Variants in DGKG observed in about 807,000 individuals in gnomAD.
DGKG encodes DAG kinase gamma.
A neutral mutation model predicts 105.3 loss-of-function variants in DGKG; 78 were observed. The observed-to-expected ratio is 0.74, with a 90% CI of 0.62 to 0.89. DGKG has a LOEUF of 0.89. Among genes scored for constraint, DGKG ranks in the 40% least tolerant of loss-of-function variants. DGKG has a pLI of 0.00. For synonymous variants in DGKG, 346 were observed against 367.1 expected (o/e 0.94, Z 0.66); for missense variants, 958 against 1,020.1 (o/e 0.94, Z 0.83).
intron 19 of DGKG, 73 bp from the exon 20 acceptor site, chr3:186,242,641 C>T (rs1560110964): frequency 1.4e-5 from 18 of 1,300,428 alleles, no homozygotes; most frequent in Middle Eastern, 1.9e-4. Context: ...AAGGGACGCA[C>T]GCATGCACTC....
chr3:186,217,391 C>G (rs1057079717), intron 20 of DGKG, among the ~76,000 whole-genome samples: 1 of 152,114 alleles, frequency 6.6e-6, no homozygotes, highest in African/African-American at 2.4e-5. Flanking sequence ...CTGAACTATC[C>G]AGATGAACCC....
At chr3:186,157,525 A>G (rs1716091514) in intron 24 of DGKG, among the ~76,000 whole-genome samples, 1 of 152,210 alleles carries the variant, frequency 6.6e-6, no homozygotes, top group Admixed American at 6.5e-5. Context: ...GAAACAGTTC[A>G]CCTAAATACG....
At position 186,226,462 on chromosome 3, in the gene DGKG, C is replaced by T. The variant is rs1268038441; in HGVS notation, c.1827-14577G>A. Among the ~76,000 whole-genome samples the T allele has an allele frequency of 2.0e-5, 3 of 150,142 alleles. No individual in the cohort carries two copies. Among genetic ancestry groups the T allele is most frequent in the Non-Finnish European group, 4.4e-5 (3 of 67,702 alleles). On this transcript the variant is annotated intron_variant, in intron 20 of 24. Transcript: ENST00000265022. The surrounding 1 kb of genome is among the most constrained non-coding windows in gnomAD (Gnocchi z 4.2). ...TACAGAAACCGTGATTATGAGCAGCCGCTTCCCCTCTCCCCACCCAAGTTC... is the reference window on the plus strand; with the variant it reads ...TACAGAAACCGTGATTATGAGCAGCTGCTTCCCCTCTCCCCACCCAAGTTC...
At position 186,203,324 on chromosome 3, in the gene DGKG, T is replaced by G. The variant is rs1391012584; in HGVS notation, c.1917+8471A>C. ...GGCCTGATGATAAAGAAACAAGGGCTAACATTACCCTAAGATTGAAACGAG... is the reference window on the plus strand; with the variant it reads ...GGCCTGATGATAAAGAAACAAGGGCGAACATTACCCTAAGATTGAAACGAG... On this transcript the variant is annotated intron_variant, in intron 21 of 24. Coordinates refer to ENST00000265022, the MANE Select transcript of DGKG (RefSeq NM_001346.3). This position sits in a 1 kb window ranked among gnomAD's most constrained non-coding sequence, Gnocchi z 4.9. Among the ~76,000 whole-genome samples, 1 of 152,220 alleles carries G rather than the reference T, an allele frequency of 6.6e-6. No homozygotes were observed. The highest frequency in any genetic ancestry group is 1.5e-5 in the Non-Finnish European group (1 of 68,042).
chr3:186,204,030 C>T (rs540969143), intron 21 of DGKG, among the ~76,000 whole-genome samples: 100 of 152,282 alleles, frequency 6.6e-4, no homozygotes, highest in African/African-American at 2.1e-3. Flanking sequence ...GCTTAAGAGC[C>T]GTGAGTTCTC....
chr3:186,352,482 C>T (rs571065913), intron 1 of DGKG, among the ~76,000 whole-genome samples: 30 of 152,288 alleles, frequency 2.0e-4, no homozygotes, highest in Admixed American at 1.3e-3. Context: ...CCTCCAGCCA[C>T]GGAGCTCATC....
chr3:186,162,084 C>T (rs1318725934), intron 23 of DGKG, among the ~76,000 whole-genome samples: 4 of 152,110 alleles, frequency 2.6e-5, no homozygotes, highest in South Asian at 2.1e-4. Flanking sequence ...TTAGTAGAGA[C>T]GGGGTTTCTC....
At chr3:186,351,462 G>A (rs1003580342) in intron 1 of DGKG, among the ~76,000 whole-genome samples, 5 of 152,130 alleles carry the variant, frequency 3.3e-5, no homozygotes, top group Admixed American at 1.3e-4. Flanking sequence ...AGTCTCTGAG[G>A]AGAGAGCCTT....
chr3:186,299,539 A>G (rs13077634), intron 3 of DGKG, among the ~76,000 whole-genome samples: 1 of 152,004 alleles, frequency 6.6e-6, no homozygotes, highest in Non-Finnish European at 1.5e-5. Context: ...GATTAGGGGA[A>G]CTCCAAGCAA....
chr3:186,223,011 CTATATATATA>C lies in DGKG; in HGVS notation c.1827-11136_1827-11127del, dbSNP rs55753193. Among the ~76,000 whole-genome samples, 10 of 80,544 alleles carry C rather than the reference CTATATATATA, an allele frequency of 1.2e-4. 2 individuals carry two copies. The highest frequency in any genetic ancestry group is 9.7e-4 in the South Asian group (2 of 2,056). The allele number at this position is 80,544 out of a possible 152,430, so 52.8% of individuals were successfully genotyped here. A position where few individuals can be genotyped will look rare whatever the true frequency, so the allele number is the denominator to read the frequency against. ...AAGAATACACACACGTGTATGTATACTATATATATATATATATATATATGTCTCATGATAT... is the reference window on the plus strand; with the variant it reads ...AAGAATACACACACGTGTATGTATACTATATATATATATGTCTCATGATAT... On this transcript the variant is annotated intron_variant, in intron 20 of 24. Transcript: ENST00000265022.
intron 24 of DGKG, among the ~76,000 whole-genome samples, chr3:186,154,102 C>T (rs996585315): frequency 2.0e-5 from 3 of 152,004 alleles, no homozygotes; most frequent in African/African-American, 7.3e-5. Flanking sequence ...GTCTCAACAA[C>T]AACAAAACAA....
At chr3:186,308,523 T>G (rs370604738) in intron 2 of DGKG, among the ~76,000 whole-genome samples, 2 of 152,176 alleles carry the variant, frequency 1.3e-5, no homozygotes, top group South Asian at 4.1e-4. Context: ...CTCTTAAGCC[T>G]AGGTAAAGTA....
intron 20 of DGKG, among the ~76,000 whole-genome samples, chr3:186,219,747 A>G (rs1719471949): frequency 6.6e-6 from 1 of 152,182 alleles, no homozygotes; most frequent in Non-Finnish European, 1.5e-5. Context: ...GGGCTCAGAA[A>G]AAAAAAGGCT....
At chr3:186,260,323 T>C in intron 16 of DGKG, 116 bp downstream of exon 16, 1 of 744,864 alleles carries the variant, frequency 1.3e-6, no homozygotes. Flanking sequence ...GGGAGTAAAA[T>C]GGCAGGAAGG....
At chr3:186,344,004 C>T (rs1366012088) in intron 1 of DGKG, among the ~76,000 whole-genome samples, 1 of 152,128 alleles carries the variant, frequency 6.6e-6, no homozygotes, top group Non-Finnish European at 1.5e-5. Context: ...TAAAATCCAT[C>T]TCTTGCAACT....
intron 7 of DGKG, among the ~76,000 whole-genome samples, chr3:186,281,671 G>C (rs1022482381): frequency 6.6e-6 from 1 of 152,176 alleles, no homozygotes; most frequent in African/African-American, 2.4e-5. Context: ...TACAGGATAG[G>C]CCAGTAGATG....
intron 3 of DGKG, among the ~76,000 whole-genome samples, chr3:186,300,745 C>T (rs1342985284): frequency 6.6e-6 from 1 of 152,098 alleles, no homozygotes; most frequent in Non-Finnish European, 1.5e-5. Context: ...ACTAAATGAT[C>T]TAATAAAAAG....
At chr3:186,325,393 A>G (rs1725290878) in intron 1 of DGKG, among the ~76,000 whole-genome samples, 1 of 152,328 alleles carries the variant, frequency 6.6e-6, no homozygotes, top group Middle Eastern at 3.4e-3. Context: ...CCCCTGAATA[A>G]TAGTTGAAAT....
rs1722126862 is a variant in DGKG at position 186,267,797 on chromosome 3, A to G, written c.1117-20T>C. On this transcript the variant is annotated intron_variant, in intron 12 of 24. Transcript: ENST00000265022. ...GTGAAACTGGGGGGAGAAATGAAAA[A>G]GAGAGTGAGTGAAAGTGAGCAAAGA... 1 of 1,608,902 alleles carries G rather than the reference A, an allele frequency of 6.2e-7. No homozygotes were observed. The highest frequency in any genetic ancestry group is 1.7e-5 in the Admixed American group (1 of 59,974).
Sources: gnomAD v4.1 joint callset for allele counts (sites outside exome capture counted in the v4.1 genomes callset) on GRCh38, gnomAD v4.1.1 for gene constraint, Gnocchi (gnomAD v3.1) non-coding constraint, MANE v1.5 for transcripts, NCBI Gene and HGNC (gene_info 2026-07-23, HGNC 2026-07-21) for gene names.